Variants in CUX2 observed in about 807,000 individuals in gnomAD.
CUX2 encodes the protein cut like homeobox 2, also known as homeobox protein cut-like 2.
In CUX2, 40 loss-of-function variants were observed where a neutral mutation model predicts 144.8. That is an observed-to-expected ratio of 0.28 (90% confidence interval 0.21 to 0.36). CUX2 has a LOEUF of 0.36. Among genes scored for constraint, CUX2 ranks in the 10% least tolerant of loss-of-function variants. The pLI is 1.00. For synonymous variants in CUX2, 827 were observed against 875.6 expected (o/e 0.94, Z 0.98); for missense variants, 1,615 against 1,994.0 (o/e 0.81, Z 3.62).
intron 4 of CUX2, among the ~76,000 whole-genome samples, chr12:111,273,070 C>G (rs1408637429): frequency 6.6e-6 from 1 of 152,148 alleles, no homozygotes; most frequent in Non-Finnish European, 1.5e-5. Context: ...CAAGTCCAGG[C>G]CTGCCCTTGG....
intron 1 of CUX2, among the ~76,000 whole-genome samples, chr12:111,138,911 C>T (rs1224743789): frequency 6.6e-6 from 1 of 152,040 alleles, no homozygotes; most frequent in Non-Finnish European, 1.5e-5. Flanking sequence ...GCTGAGCCCA[C>T]ATTTCCACCC....
chr12:111,341,673 C>T, intron 20 of CUX2, 107 bp from the exon 21 acceptor site: 1 of 1,339,824 alleles, frequency 7.5e-7, no homozygotes, highest in Non-Finnish European at 1.0e-6. Context: ...GCATGATGGC[C>T]TCCGAGTGGG....
intron 1 of CUX2, among the ~76,000 whole-genome samples, chr12:111,201,301 G>A (rs1320240263): frequency 6.6e-6 from 1 of 152,158 alleles, no homozygotes; most frequent in Non-Finnish European, 1.5e-5. Flanking sequence ...ACGGTTCCCT[G>A]CAGCTGCCTG....
At chr12:111,069,574 T>C (rs1379460447) in intron 1 of CUX2, among the ~76,000 whole-genome samples, 1 of 146,324 alleles carries the variant, frequency 6.8e-6, no homozygotes, top group African/African-American at 2.4e-5. Context: ...GTGTGTGTTA[T>C]TTTCTCATAG....
intron 3 of CUX2, among the ~76,000 whole-genome samples, chr12:111,245,935 G>A (rs1478548788): frequency 1.3e-5 from 2 of 152,136 alleles, no homozygotes; most frequent in South Asian, 2.1e-4. Context: ...ACAGGGAGGC[G>A]TGGGGACTGG....
intron 3 of CUX2, among the ~76,000 whole-genome samples, chr12:111,226,911 T>C (rs547404155): frequency 6.6e-6 from 1 of 152,370 alleles, no homozygotes; most frequent in South Asian, 2.1e-4. Flanking sequence ...GACTGCATTA[T>C]GGAAGGCCGT....
intron 1 of CUX2, among the ~76,000 whole-genome samples, chr12:111,210,627 T>C (rs1395306523): frequency 6.6e-6 from 1 of 152,008 alleles, no homozygotes; most frequent in East Asian, 1.9e-4. Context: ...ACCCTGTCTC[T>C]ACCCCAAAAA....
At chr12:111,290,293 A>G (rs1367979663) in intron 4 of CUX2, among the ~76,000 whole-genome samples, 1 of 151,664 alleles carries the variant, frequency 6.6e-6, no homozygotes, top group Non-Finnish European at 1.5e-5. Flanking sequence ...ACAGAATCTC[A>G]CTCTGTTGCT....
chr12:111,316,090 C>T (rs1027727480), intron 16 of CUX2, among the ~76,000 whole-genome samples: 5 of 151,036 alleles, frequency 3.3e-5, no homozygotes, highest in African/African-American at 9.8e-5. Flanking sequence ...CCATAGTAGG[C>T]AAGTATGAGT....
chr12:111,107,126 C>T (rs1253141115), intron 1 of CUX2, among the ~76,000 whole-genome samples: 1 of 152,226 alleles, frequency 6.6e-6, no homozygotes, highest in African/African-American at 2.4e-5. Flanking sequence ...CCCCATTTTA[C>T]AGGTGAGGAA....
chr12:111,343,364 A>T (rs2136451349), intron 21 of CUX2, among the ~76,000 whole-genome samples: 1 of 152,182 alleles, frequency 6.6e-6, no homozygotes, highest in South Asian at 2.1e-4. Flanking sequence ...GGCTCTGAGG[A>T]GACCCCTGTA....
intron 2 of CUX2, 48 bp from the exon 3 acceptor site, chr12:111,217,842 G>T: frequency 6.2e-7 from 1 of 1,606,572 alleles, no homozygotes; most frequent in Non-Finnish European, 8.5e-7. Flanking sequence ...GGCCACGGGG[G>T]CGTCCCACCT....
intron 3 of CUX2, among the ~76,000 whole-genome samples, chr12:111,225,047 A>T (rs1246613139): frequency 6.6e-6 from 1 of 152,098 alleles, no homozygotes; most frequent in Non-Finnish European, 1.5e-5. Context: ...CTGGGACTAT[A>T]GGCGCACAAC....
chr12:111,318,774 A>C (rs1887340930), intron 16 of CUX2, among the ~76,000 whole-genome samples: 1 of 151,754 alleles, frequency 6.6e-6, no homozygotes, highest in East Asian at 2.0e-4. Flanking sequence ...TCCCAGGCTC[A>C]AGCAATGCTC....
rs1888929799 is a variant in CUX2, at chr12:111,348,683, A to C, written c.*358A>C. On this transcript the variant is annotated 3_prime_UTR_variant, in exon 22 of 22. Transcript: ENST00000261726. Reference sequence around the variant, plus strand: ...ATATTTTAATAAAGGATCCTTTGGAATTTATCCCAGCTGATGCTGTTTTGA... The same window carrying C: ...ATATTTTAATAAAGGATCCTTTGGACTTTATCCCAGCTGATGCTGTTTTGA... 1 of 189,376 alleles carries C rather than the reference A, an allele frequency of 5.3e-6. No homozygotes were observed. Among genetic ancestry groups the C allele is most frequent in the Non-Finnish European group, 1.1e-5 (1 of 92,178 alleles). The allele number at this position is 189,376 out of a possible 1,614,324, so 11.7% of individuals were successfully genotyped here.
chr12:111,313,150 C>G (rs539861511), intron 16 of CUX2, among the ~76,000 whole-genome samples: 3 of 152,120 alleles, frequency 2.0e-5, no homozygotes, highest in Non-Finnish European at 4.4e-5. Context: ...CAACCTCCAC[C>G]TCCTTGGTTC....
chr12:111,151,703 T>A (rs1477873212), intron 1 of CUX2, among the ~76,000 whole-genome samples: 2 of 151,842 alleles, frequency 1.3e-5, no homozygotes, highest in Non-Finnish European at 2.9e-5. Context: ...CAGAGAGGGA[T>A]CTGGTGTTAA....
chr12:111,236,140 C>T (rs990017163), intron 3 of CUX2, among the ~76,000 whole-genome samples: 1 of 152,206 alleles, frequency 6.6e-6, no homozygotes, highest in Non-Finnish European at 1.5e-5. Context: ...GATTCCATGA[C>T]ACTATGCCTA....
intron 4 of CUX2, among the ~76,000 whole-genome samples, chr12:111,269,994 G>T (rs1053217281): frequency 6.6e-6 from 1 of 152,132 alleles, no homozygotes; most frequent in Admixed American, 6.5e-5. Flanking sequence ...ATTCATTTTC[G>T]AGACATTTAA....
Sources: gnomAD v4.1 joint callset for allele counts (sites outside exome capture counted in the v4.1 genomes callset) on GRCh38, gnomAD v4.1.1 for gene constraint, MANE v1.5 for transcripts, NCBI Gene and HGNC (gene_info 2026-07-23, HGNC 2026-07-21) for gene names.